Variants in FADS3 observed in about 807,000 individuals in gnomAD.
FADS3 encodes fatty acid desaturase 3, also known as cytochrome b5-related protein.
A neutral mutation model predicts 60.4 loss-of-function variants in FADS3; 30 were observed. That is an observed-to-expected ratio of 0.50 (90% CI 0.37 to 0.67). The LOEUF (loss-of-function observed/expected upper bound fraction) is 0.67, where lower values mean the gene tolerates loss of function less well. Ranked by LOEUF, FADS3 falls within the 30% of genes least tolerant of loss-of-function variation. The pLI is 0.00. For synonymous variants in FADS3, 234 were observed against 249.3 expected (o/e 0.94, Z 0.58); for missense variants, 432 against 598.3 (o/e 0.72, Z 2.90).
At chr11:61,878,891 C>G in intron 3 of FADS3, 44 bp from the exon 4 acceptor site, 1 of 1,575,034 alleles carries the variant, frequency 6.3e-7, no homozygotes, top group Non-Finnish European at 8.7e-7. Context: ...AAGGACGGAG[C>G]CCGCCAGGGC....
intron 3 of FADS3, among the ~76,000 whole-genome samples, 169 bp from the exon 4 acceptor site, chr11:61,879,016 G>A (rs1490164977): frequency 1.3e-5 from 2 of 152,226 alleles, no homozygotes; most frequent in Non-Finnish European, 2.9e-5. Flanking sequence ...GTCCCAGGGA[G>A]GTGGAGGGGC....
At chr11:61,875,826 C>T in intron 11 of FADS3, 25 bp downstream of exon 11, 1 of 1,608,040 alleles carries the variant, frequency 6.2e-7, no homozygotes, top group South Asian at 1.1e-5. Flanking sequence ...GCCACCAGAA[C>T]AGAGGGGCCG....
chr11:61,876,137 C>T lies in FADS3; in HGVS notation c.1134G>A (p.Gly378=), dbSNP rs747406566. 2 of 1,604,750 alleles carry T rather than the reference C, an allele frequency of 1.2e-6. No individual in the cohort carries two copies. Among genetic ancestry groups the T allele is most frequent in the South Asian group, 1.1e-5 (1 of 90,374 alleles). Residue 378 remains glycine, a synonymous_variant, in exon 10 of 12, where the codon GGG becomes GGA. Coordinates refer to ENST00000278829, the MANE Select transcript of FADS3 (RefSeq NM_021727.5). This position sits in a 1 kb window ranked among gnomAD's most constrained non-coding sequence, Gnocchi z 5.7. ...GGTGCTCGATCTGGAAGTTGAGGTG[C>T]CCGCTGAACCAGTTGGTGAAAAGTG... ...EPSLFTNWFS[G]HLNFQIEHHL...
chr11:61,878,450 T>G lies in FADS3; in HGVS notation c.747+62A>C, dbSNP rs577254441. ...GGTCAGGGGCAGAGTGGGGACCCAG[T>G]GCATTAGCTCCCCCTCAGCTGCAGG... is the stretch of plus-strand genomic sequence containing the variant. On this transcript the variant is annotated intron_variant, in intron 5 of 11. Transcript: ENST00000278829. 4.6e-5 allele frequency: 73 copies of G among 1,585,594 alleles called. No homozygotes were observed. The African/African-American group carries it at 9.0e-4, about 20-fold the overall frequency.
intron 1 of FADS3, among the ~76,000 whole-genome samples, chr11:61,886,668 G>A (rs1938331574): frequency 6.6e-6 from 1 of 152,042 alleles, no homozygotes; most frequent in African/African-American, 2.4e-5. Flanking sequence ...AGGGTCCTGA[G>A]AAGGTTCCAT....
intron 1 of FADS3, among the ~76,000 whole-genome samples, chr11:61,883,174 A>C (rs1938195303): frequency 6.6e-6 from 1 of 152,014 alleles, no homozygotes; most frequent in Non-Finnish European, 1.5e-5. Context: ...ACCTTCCCCA[A>C]CTGAAACTCT....
At chr11:61,889,855 A>G (rs2136003520) in intron 1 of FADS3, among the ~76,000 whole-genome samples, 1 of 152,330 alleles carries the variant, frequency 6.6e-6, no homozygotes, top group South Asian at 2.1e-4. Flanking sequence ...AATAATAAAT[A>G]AAATAGATAC....
At chr11:61,875,762 TG>T (rs1217356843) in intron 11 of FADS3, 88 bp downstream of exon 11, 4 of 1,510,080 alleles carry the variant, frequency 2.6e-6, no homozygotes, top group African/African-American at 1.4e-5. Context: ...TCAGGGACCC[TG>T]GGGGCTCAGC....
intron 1 of FADS3, 148 bp from the exon 2 acceptor site, chr11:61,880,299 G>T: frequency 3.2e-6 from 2 of 621,268 alleles, no homozygotes; most frequent in Non-Finnish European, 2.8e-6. Flanking sequence ...AACAGTCAAA[G>T]ACATGGGCCC....
chr11:61,873,927 C>T, intron 11 of FADS3, 62 bp from the exon 12 acceptor site: 5 of 1,040,348 alleles, frequency 4.8e-6, no homozygotes, highest in Non-Finnish European at 4.4e-6. Flanking sequence ...ATCCTAACAC[C>T]CCTGTATCCC....
chr11:61,884,051 C>T (rs1015003020), intron 1 of FADS3, among the ~76,000 whole-genome samples: 2 of 152,132 alleles, frequency 1.3e-5, no homozygotes. Context: ...GGACTCAGGC[C>T]GAAACCTGGA....
At chr11:61,882,337 C>T (rs1313552144) in intron 1 of FADS3, 1 of 151,994 alleles carries the variant, frequency 6.6e-6, no homozygotes, top group Non-Finnish European at 1.5e-5. Context: ...TGGTCTTAAA[C>T]TCCTGGGCTC....
chr11:61,887,058 G>C (rs956213666), intron 1 of FADS3, among the ~76,000 whole-genome samples: 1 of 152,264 alleles, frequency 6.6e-6, no homozygotes, highest in African/African-American at 2.4e-5. Flanking sequence ...CCCATGAATA[G>C]AGCTTTGTTG....
chr11:61,884,815 C>G (rs577191001), intron 1 of FADS3, among the ~76,000 whole-genome samples: 30 of 152,318 alleles, frequency 2.0e-4, no homozygotes, highest in Admixed American at 5.9e-4. Context: ...CATCGGGTAC[C>G]GGAGCAGAGC....
At chr11:61,880,006 T>G in intron 2 of FADS3, 35 bp downstream of exon 2, 1 of 1,552,100 alleles carries the variant, frequency 6.4e-7, no homozygotes, top group South Asian at 1.1e-5. Flanking sequence ...TCCCCCTCCC[T>G]CAGGGGCTGA....
At chr11:61,891,128 G>A (rs1297898254) in intron 1 of FADS3, 41 bp downstream of exon 1, 1 of 1,507,988 alleles carries the variant, frequency 6.6e-7, no homozygotes, top group Non-Finnish European at 9.0e-7. Flanking sequence ...CGAGCTCCAG[G>A]CTCCACCCGC....
intron 11 of FADS3, among the ~76,000 whole-genome samples, chr11:61,875,618 G>T (rs1307487307): frequency 1.3e-5 from 2 of 152,164 alleles, no homozygotes; most frequent in Non-Finnish European, 2.9e-5. Flanking sequence ...CTCAGCCTTT[G>T]GGGGTAGGTT....
intron 1 of FADS3, among the ~76,000 whole-genome samples, chr11:61,882,785 A>G (rs1938181762): frequency 6.6e-6 from 1 of 152,122 alleles, no homozygotes; most frequent in Non-Finnish European, 1.5e-5. Context: ...ACTGGGTTGC[A>G]GTGGCATGAT....
chr11:61,879,281 T>C, intron 3 of FADS3, 31 bp downstream of exon 3: 1 of 1,546,108 alleles, frequency 6.5e-7, no homozygotes, highest in Non-Finnish European at 8.7e-7. Flanking sequence ...GTTGGGCAGT[T>C]AAGGTGGCTG....
Sources: gnomAD v4.1 joint callset for allele counts (sites outside exome capture counted in the v4.1 genomes callset) on GRCh38, gnomAD v4.1.1 for gene constraint, Gnocchi (gnomAD v3.1) non-coding constraint, MANE v1.5 for transcripts, NCBI Gene and HGNC (gene_info 2026-07-23, HGNC 2026-07-21) for gene names.